FAM161A: variants seen among roughly 807,000 people sequenced by gnomAD.
FAM161A encodes FAM161 centrosomal protein A.
A neutral mutation model predicts 70.9 loss-of-function variants in FAM161A; 57 were observed. The observed-to-expected ratio is 0.80, with a 90% confidence interval of 0.65 to 1.00. FAM161A has a LOEUF of 1.00. FAM161A is among the 50% of genes least tolerant of loss of function. FAM161A has a pLI of 0.00. For missense variants in FAM161A, 880 were observed against 836.0 expected, an observed-to-expected ratio of 1.05 and a Z score of -0.65; for synonymous variants, 299 against 295.7, an observed-to-expected ratio of 1.01 and a Z score of -0.12.
intron 5 of FAM161A, among the ~76,000 whole-genome samples, chr2:61,829,970 A>G (rs944820983): frequency 6.8e-6 from 1 of 146,032 alleles, no homozygotes; most frequent in Non-Finnish European, 1.5e-5. Context: ...CTGCAGCAAA[A>G]AATGTACTAA....
chr2:61,814,587 C>T, the FAM161A span, among the ~76,000 whole-genome samples: 1 of 152,152 alleles, frequency 6.6e-6, no homozygotes, highest in Non-Finnish European at 1.5e-5. Flanking sequence ...TGATGATGTG[C>T]AGCTGTAATC....
At chr2:61,821,481 G>A (rs1230154695), downstream of FAM161A, among the ~76,000 whole-genome samples, 1 of 152,102 alleles carries the variant, frequency 6.6e-6, no homozygotes, top group Admixed American at 6.6e-5. Flanking sequence ...AATAATTAGA[G>A]TAAGTAGATA....
At chr2:61,841,406 G>T (rs1673015887) in intron 2 of FAM161A, among the ~76,000 whole-genome samples, 1 of 152,122 alleles carries the variant, frequency 6.6e-6, no homozygotes, top group African/African-American at 2.4e-5. Context: ...CTGCTGCCTA[G>T]AAGGCCAATA....
the FAM161A span, among the ~76,000 whole-genome samples, chr2:61,813,180 C>T: frequency 2.0e-5 from 3 of 152,076 alleles, no homozygotes; most frequent in African/African-American, 7.2e-5. Flanking sequence ...CCATGGCTCA[C>T]GCCTGTAATC....
intron 1 of FAM161A, among the ~76,000 whole-genome samples, chr2:61,853,203 C>T (rs950889745): frequency 6.6e-6 from 1 of 152,064 alleles, no homozygotes; most frequent in Non-Finnish European, 1.5e-5. Context: ...AGCCACCGCG[C>T]CCGGCCAAGA....
At chr2:61,805,801 A>G in the FAM161A span, among the ~76,000 whole-genome samples, 1 of 152,174 alleles carries the variant, frequency 6.6e-6, no homozygotes, top group Non-Finnish European at 1.5e-5. Flanking sequence ...TGGGCAATGC[A>G]AAAACACCAA....
chr2:61,838,641 G>A lies in FAM161A; in HGVS notation c.1648C>T (p.Gln550Ter), dbSNP rs760966814. 1.2e-6 allele frequency: 2 copies of A among 1,611,628 alleles called. No homozygotes were observed. Among genetic ancestry groups the A allele is most frequent in the Non-Finnish European group, 1.7e-6 (2 of 1,179,250 alleles). Reference protein sequence around the residue: ...ERNRILTKQKQRMKELQKLLT... With the variant: ...ERNRILTKQK ...AGTTTCTGCAATTCTTTCATTCTTTGCTTCTGTTTAGTTAGGATCCGATTT... is the reference window on the plus strand; with the variant it reads ...AGTTTCTGCAATTCTTTCATTCTTTACTTCTGTTTAGTTAGGATCCGATTT... Residue 550 changes from glutamine (Q) to a stop codon, truncating the protein, a stop_gained, in exon 4 of 7, where the codon CAA (glutamine) becomes TAA (stop). Coordinates refer to ENST00000404929, the MANE Select transcript of FAM161A (RefSeq NM_001201543.2). LOFTEE classifies it high-confidence loss of function.
At chr2:61,835,066 C>T (rs7584388) in intron 5 of FAM161A, among the ~76,000 whole-genome samples, 55,884 of 152,054 alleles carry the variant, frequency 0.37, 10,955 homozygotes, top group East Asian at 0.68. Context: ...AAAAAGATTA[C>T]GTAACTTTGA....
At chr2:61,807,120 GA>G in the FAM161A span, among the ~76,000 whole-genome samples, 1 of 152,158 alleles carries the variant, frequency 6.6e-6, no homozygotes, top group Non-Finnish European at 1.5e-5. Context: ...TAACTTAGAA[GA>G]GACAAAGGTG....
At chr2:61,847,802 G>A (rs553299841) in intron 1 of FAM161A, among the ~76,000 whole-genome samples, 18 of 152,056 alleles carry the variant, frequency 1.2e-4, no homozygotes, top group African/African-American at 4.3e-4. Context: ...AGAAAGGCAA[G>A]GATTTGTCTG....
At chr2:61,817,690 G>C in the FAM161A span, among the ~76,000 whole-genome samples, 4 of 152,210 alleles carry the variant, frequency 2.6e-5, no homozygotes, top group African/African-American at 9.6e-5. Flanking sequence ...ACATAGGCCA[G>C]GTGCGGTGGC....
At chr2:61,814,282 AC>A in the FAM161A span, among the ~76,000 whole-genome samples, 1 of 152,152 alleles carries the variant, frequency 6.6e-6, no homozygotes, top group African/African-American at 2.4e-5. Context: ...TGCTCTTTGA[AC>A]TTTTTTGCTT....
chr2:61,804,318 C>A, the FAM161A span, among the ~76,000 whole-genome samples: 1 of 152,244 alleles, frequency 6.6e-6, no homozygotes, highest in Non-Finnish European at 1.5e-5. Flanking sequence ...TGTATCTCAT[C>A]CTGTGACTTA....
chr2:61,826,678 ACCGTGTAG>A, intron 6 of FAM161A, 79 bp from the exon 7 acceptor site: 1 of 1,217,214 alleles, frequency 8.2e-7, no homozygotes, highest in Non-Finnish European at 1.2e-6. Flanking sequence ...CAAGTATGCC[ACCGTGTAG>A]CCAGTCTTCC....
At chr2:61,826,989 A>G (rs1672390810) in intron 6 of FAM161A, 115 bp downstream of exon 6, 1 of 928,716 alleles carries the variant, frequency 1.1e-6, no homozygotes, top group African/African-American at 1.7e-5. Flanking sequence ...ACTATTGGGT[A>G]AAAGATCTTT....
intron 5 of FAM161A, chr2:61,835,689 G>C (rs1672743606): frequency 4.6e-6 from 1 of 217,590 alleles, no homozygotes; most frequent in Non-Finnish European, 9.2e-6. Context: ...TCATCAAAAA[G>C]ATTCAATGTT....
intron 5 of FAM161A, among the ~76,000 whole-genome samples, chr2:61,833,866 C>T (rs370858110): frequency 1.3e-5 from 2 of 152,008 alleles, no homozygotes; most frequent in African/African-American, 4.8e-5. Context: ...CCAGTCTCTA[C>T]AAAAAATAAA....
chr2:61,809,593 G>C, the FAM161A span, among the ~76,000 whole-genome samples: 1 of 152,170 alleles, frequency 6.6e-6, no homozygotes, highest in Admixed American at 6.5e-5. Context: ...AAGGAGATCC[G>C]TAGGGAATTT....
rs78512710 is a variant in FAM161A at position 61,825,355 on chromosome 2, A to G, written c.*1100T>C. The G allele has an allele frequency of 0.01, 4,674 of 454,192 alleles. 36 individuals are homozygous for G. Among genetic ancestry groups the G allele is most frequent in the Non-Finnish European group, 0.014 (3,195 of 226,782 alleles). The allele number at this position is 454,192 out of a possible 1,614,324, so 28.1% of individuals were successfully genotyped here. A position where few individuals can be genotyped will look rare whatever the true frequency, so the allele number is the denominator to read the frequency against. On this transcript the variant is annotated 3_prime_UTR_variant, in exon 7 of 7. Transcript: ENST00000404929. ...GAGTTAAATCTGAATTACTTTGGAG[A>G]CTTGCCCTAGCCAAGTTATTATGCA...
Sources: gnomAD v4.1 joint callset for allele counts (sites outside exome capture counted in the v4.1 genomes callset) on GRCh38, gnomAD v4.1.1 for gene constraint, MANE v1.5 for transcripts, NCBI Gene and HGNC (gene_info 2026-07-23, HGNC 2026-07-21) for gene names.